The following MTR variants were observed in gnomAD, a reference collection of about 807,000 sequenced individuals.
MTR encodes methionine synthase.
In MTR, 84 loss-of-function variants were observed where a neutral mutation model predicts 154.8. The observed-to-expected ratio is 0.54, with a 90% CI of 0.45 to 0.65. The LOEUF (loss-of-function observed/expected upper bound fraction) is 0.65, where lower values mean the gene tolerates loss of function less well. Among genes scored for constraint, MTR ranks in the 30% least tolerant of loss-of-function variants. MTR has a pLI of 0.00. For missense variants in MTR, 1,275 were observed against 1,570.2 expected, an observed-to-expected ratio of 0.81 and a Z score of 3.18; for synonymous variants, 554 against 553.9, an observed-to-expected ratio of 1.00 and a Z score of 0.00.
chr1:236,829,261 A>T lies in MTR; in HGVS notation c.1068A>T (p.Leu356Phe). 1 of 1,613,578 alleles carries T rather than the reference A, an allele frequency of 6.2e-7. No homozygotes were observed. The highest frequency in any genetic ancestry group is 1.1e-5 in the South Asian group (1 of 91,066). Reference protein sequence around the residue: ...PPATAFEGHMLLSGLEPFRIG... With the variant: ...PPATAFEGHMFLSGLEPFRIG... The stretch of plus-strand genomic sequence containing the variant: ...CCACTGCTTTTGAAGGACATATGTT[A>T]CTGTCTGGTGAGTCATAAAGACCTG... The change falls in exon 12 of 33, where the codon TTA becomes TTT. Residue 356 changes from leucine (L) to phenylalanine (F), a missense_variant. By Grantham distance (22) the Leu-to-Phe change is conservative. Coordinates refer to ENST00000366577, the MANE Select transcript of MTR (RefSeq NM_000254.3).
rs1558271069 is a variant in MTR, at chr1:236,803,644, T to G, written c.249+2T>G. ...GATGTCATTTACCAAATCCATAAGG[T>G]AAAGTATTCCCAGGTTCCCATGTGT... On this transcript the variant is annotated splice_donor_variant, in intron 2 of 32. Transcript: ENST00000366577. LOFTEE classifies it high-confidence loss of function. 6.2e-7 allele frequency: 1 copy of G among 1,612,912 alleles called. No homozygotes were observed. The highest frequency in any genetic ancestry group is 8.5e-7 in the Non-Finnish European group (1 of 1,179,090).
chr1:236,879,032 G>A (rs1443186530), intron 24 of MTR, among the ~76,000 whole-genome samples: 1 of 152,222 alleles, frequency 6.6e-6, no homozygotes, highest in African/African-American at 2.4e-5. Context: ...AGTGTTACTG[G>A]TCTTGTCTGT....
At chr1:236,816,756 C>T (rs1166295902) in intron 8 of MTR, among the ~76,000 whole-genome samples, 2 of 152,184 alleles carry the variant, frequency 1.3e-5, no homozygotes, top group African/African-American at 4.8e-5. Context: ...GGAGAGTTCT[C>T]ATACTTACAA....
At chr1:236,858,599 AG>A (rs1208632006) in intron 18 of MTR, among the ~76,000 whole-genome samples, 2 of 152,208 alleles carry the variant, frequency 1.3e-5, no homozygotes, top group African/African-American at 2.4e-5. Context: ...TTTTGGCTAC[AG>A]TGTGGAAGAT....
At chr1:236,834,728 G>C (rs1292994218) in intron 13 of MTR, among the ~76,000 whole-genome samples, 1 of 151,968 alleles carries the variant, frequency 6.6e-6, no homozygotes, top group African/African-American at 2.4e-5. Flanking sequence ...TAAACAAAAA[G>C]TCTCTGCCTT....
chr1:236,805,801 GTGTTACCTTA>G (rs1035496628), intron 2 of MTR, among the ~76,000 whole-genome samples: 44 of 152,232 alleles, frequency 2.9e-4, no homozygotes, highest in African/African-American at 1.0e-3. Context: ...CCTGGCTGAT[GTGTTACCTTA>G]TGTTAGCATA....
At chr1:236,832,632 C>T (rs995075738) in intron 13 of MTR, among the ~76,000 whole-genome samples, 1 of 152,186 alleles carries the variant, frequency 6.6e-6, no homozygotes, top group African/African-American at 2.4e-5. Flanking sequence ...CAGAGCATAC[C>T]TAAGACTCCT....
intron 15 of MTR, among the ~76,000 whole-genome samples, chr1:236,844,201 G>C (rs1056289261): frequency 6.6e-6 from 1 of 152,180 alleles, no homozygotes; most frequent in Admixed American, 6.5e-5. Flanking sequence ...AAAAGGGCAT[G>C]TTCAGCTGTT....
chr1:236,858,644 G>C (rs1664344098), intron 18 of MTR, among the ~76,000 whole-genome samples: 1 of 152,218 alleles, frequency 6.6e-6, no homozygotes, highest in African/African-American at 2.4e-5. Flanking sequence ...GGGCTGTGGA[G>C]ACTACTTAGT....
chr1:236,829,285 T>A lies in MTR; in HGVS notation c.1075+17T>A. ...TACTGTCTGGTGAGTCATAAAGACC[T>A]GGTATTCCTGATTGCAGAAACCATT... On this transcript the variant is annotated intron_variant, in intron 12 of 32. Transcript: ENST00000366577. The A allele has an allele frequency of 6.3e-7, 1 of 1,596,486 alleles. No individual in the cohort carries two copies. The highest frequency in any genetic ancestry group is 8.6e-7 in the Non-Finnish European group (1 of 1,164,036).
intron 29 of MTR, among the ~76,000 whole-genome samples, chr1:236,893,519 T>C (rs1384576214): frequency 6.6e-6 from 1 of 152,192 alleles, no homozygotes; most frequent in Admixed American, 6.5e-5. Flanking sequence ...ATGGAGCTGA[T>C]GGTATCACCT....
intron 18 of MTR, among the ~76,000 whole-genome samples, chr1:236,854,806 T>C (rs1412420678): frequency 2.0e-5 from 3 of 152,210 alleles, no homozygotes; most frequent in Non-Finnish European, 2.9e-5. Flanking sequence ...ACTTTTAGCG[T>C]TTGTTTACTA....
intron 8 of MTR, among the ~76,000 whole-genome samples, chr1:236,818,218 C>T (rs550164327): frequency 2.6e-5 from 4 of 152,308 alleles, no homozygotes; most frequent in Non-Finnish European, 4.4e-5. Flanking sequence ...AGAATGAACC[C>T]TAATGTAAAC....
chr1:236,824,252 A>G, intron 9 of MTR, 33 bp downstream of exon 9: 4 of 1,516,396 alleles, frequency 2.6e-6, no homozygotes, highest in South Asian at 1.1e-5. Flanking sequence ...ACATGGGGAG[A>G]TAAAAATAAC....
At chr1:236,819,998 T>C in intron 8 of MTR, 1 of 1,124,770 alleles carries the variant, frequency 8.9e-7, no homozygotes, top group Non-Finnish European at 1.3e-6. Context: ...AGCCATGGCT[T>C]CTTGTGGTTA....
At chr1:236,865,532 A>G (rs1354689991) in intron 22 of MTR, among the ~76,000 whole-genome samples, 1 of 152,198 alleles carries the variant, frequency 6.6e-6, no homozygotes, top group African/African-American at 2.4e-5. Flanking sequence ...CTGGCTTTTT[A>G]TCATTGTTGC....
chr1:236,877,699 A>G (rs1375214758), intron 24 of MTR, among the ~76,000 whole-genome samples: 1 of 152,122 alleles, frequency 6.6e-6, no homozygotes, highest in Non-Finnish European at 1.5e-5. Flanking sequence ...GCTGCTATGA[A>G]CACTTATGCT....
chr1:236,799,175 G>A (rs1484749314), intron 1 of MTR, among the ~76,000 whole-genome samples: 3 of 152,012 alleles, frequency 2.0e-5, no homozygotes, highest in African/African-American at 7.2e-5. Context: ...CAAGCTGAGG[G>A]CAGTGGCGTG....
intron 9 of MTR, among the ~76,000 whole-genome samples, chr1:236,824,550 A>G (rs556080532): frequency 9.9e-5 from 15 of 152,168 alleles, no homozygotes; most frequent in Admixed American, 2.0e-4. Context: ...TCTCTGGTCC[A>G]CTCTGTTAGT....
Sources: gnomAD v4.1 joint callset for allele counts (sites outside exome capture counted in the v4.1 genomes callset) on GRCh38, gnomAD v4.1.1 for gene constraint, MANE v1.5 for transcripts, NCBI Gene and HGNC (gene_info 2026-07-23, HGNC 2026-07-21) for gene names.